Variants in RPL23 observed in about 807,000 individuals in gnomAD.
RPL23 encodes the protein large ribosomal subunit protein uL14.
For missense variants in RPL23, 79 were observed against 178.8 expected, an observed-to-expected ratio of 0.44 and a Z score of 3.18; for synonymous variants, 63 against 65.3, an observed-to-expected ratio of 0.97 and a Z score of 0.17.
At chr17:38,852,403 CA>C (rs1913028894) in intron 3 of RPL23, 200 bp downstream of exon 3, 6 of 606,542 alleles carry the variant, frequency 9.9e-6, no homozygotes, top group South Asian at 2.4e-5. Context: ...AAAACAACAA[CA>C]AAAAAACAAC....
chr17:38,850,303 C>G (rs781709157), intron 4 of RPL23, 59 bp downstream of exon 4: 1 of 1,565,234 alleles, frequency 6.4e-7, no homozygotes, highest in Non-Finnish European at 8.8e-7. Context: ...TTGGCCTGTA[C>G]TTCTAGACAA....
chr17:38,853,112 A>G lies in RPL23; in HGVS notation c.14-7T>C. On this transcript the variant is annotated splice_region_variant and splice_polypyrimidine_tract_variant and intron_variant, in intron 1 of 4. Coordinates refer to ENST00000479035, the MANE Select transcript of RPL23 (RefSeq NM_000978.4). ...CCAGAGGACCCACCACGTCCTGTGGATATAAAGGGAAGGGAAACAGGATAA... is the reference window on the plus strand; with the variant it reads ...CCAGAGGACCCACCACGTCCTGTGGGTATAAAGGGAAGGGAAACAGGATAA... 1 of 1,609,136 alleles carries G rather than the reference A, an allele frequency of 6.2e-7. No individual in the cohort carries two copies. Among genetic ancestry groups the G allele is most frequent in the Non-Finnish European group, 8.5e-7 (1 of 1,175,482 alleles).
chr17:38,850,042 C>G lies in RPL23; in HGVS notation c.*90G>C. ...CTGAGGCAGGAGAATCGCTTGAACCCTGGAAGTGAACAGGGAGACAAGCAC... is the reference window on the plus strand; with the variant it reads ...CTGAGGCAGGAGAATCGCTTGAACCGTGGAAGTGAACAGGGAGACAAGCAC... On this transcript the variant is annotated 3_prime_UTR_variant, in exon 5 of 5. Transcript: ENST00000479035. The G allele has an allele frequency of 1.0e-6, 1 of 968,550 alleles. No homozygotes were observed. The highest frequency in any genetic ancestry group is 1.5e-6 in the Non-Finnish European group (1 of 653,768). 60.0% of individuals were successfully genotyped at this position (968,550 alleles called of 1,614,324 possible).
intron 2 of RPL23, 33 bp from the exon 3 acceptor site, chr17:38,852,765 T>G (rs923747587): frequency 6.2e-7 from 1 of 1,613,868 alleles, no homozygotes; most frequent in Non-Finnish European, 8.5e-7. Context: ...ATAAAAAATG[T>G]TGAGGGCCAT....
chr17:38,852,534 C>T (rs1913032998), intron 3 of RPL23, 70 bp downstream of exon 3: 2 of 1,575,262 alleles, frequency 1.3e-6, no homozygotes, highest in Middle Eastern at 2.3e-4. Flanking sequence ...GAAAACTGAT[C>T]CATTTTCCAA....
At position 38,848,673 on chromosome 17, in the gene RPL23, T is replaced by C. The variant is rs529805643; in HGVS notation, c.*1459A>G. 1 of 152,380 alleles carries C rather than the reference T, an allele frequency of 6.6e-6. No homozygotes were observed. The highest frequency in any genetic ancestry group is 2.4e-5 in the African/African-American group (1 of 41,594). The allele number at this position is 152,380 out of a possible 1,614,324, so 9.4% of individuals were successfully genotyped here. A position where few individuals can be genotyped will look rare whatever the true frequency, so the allele number is the denominator to read the frequency against. On this transcript the variant is annotated 3_prime_UTR_variant, in exon 5 of 5. Coordinates refer to ENST00000479035, the MANE Select transcript of RPL23 (RefSeq NM_000978.4). ...ATTCTGCAGTCTGACTTAATTGGTC[T>C]AGGGTATGGACCGGAAACATTTTCA...
Position 38,853,707 on chromosome 17 carries a change from A to C in RPL23, c.4T>G (p.Ser2Ala). 6.2e-7 allele frequency: 1 copy of C among 1,614,106 alleles called. No individual in the cohort carries two copies. Among genetic ancestry groups the C allele is most frequent in the Non-Finnish European group, 8.5e-7 (1 of 1,180,026 alleles). The change falls in exon 1 of 5, where the codon TCG (serine) becomes GCG (alanine). Residue 2 changes from serine to alanine, a missense_variant. Transcript: ENST00000479035. MSKRGRGGSSGA... is the reference protein window; with the variant it reads MAKRGRGGSSGA... ...AGAAACAAAACCTCACCTCGCTTCG[A>C]CATCTTGAACGCCGGAAAAAAGAAA...
intron 1 of RPL23, 198 bp downstream of exon 1, chr17:38,853,500 G>C (rs1239056007): frequency 4.1e-6 from 3 of 730,238 alleles, no homozygotes; most frequent in Non-Finnish European, 7.6e-6. Context: ...CATTCACGTC[G>C]GGATCCTGCC....
chr17:38,852,890 C>T, intron 2 of RPL23, 132 bp downstream of exon 2: 1 of 1,363,846 alleles, frequency 7.3e-7, no homozygotes, highest in African/African-American at 1.4e-5. Context: ...TTGAAGCAAA[C>T]AACACATGTT....
At position 38,849,343 on chromosome 17, in the gene RPL23, G is replaced by C. The variant is rs576868669; in HGVS notation, c.*789C>G. The C allele has an allele frequency of 7.1e-6, 1 of 141,766 alleles. No individual in the cohort carries two copies. The highest frequency in any genetic ancestry group is 1.5e-5 in the Non-Finnish European group (1 of 66,524). 8.8% of individuals were successfully genotyped at this position (141,766 alleles called of 1,614,324 possible). A position where few individuals can be genotyped will look rare whatever the true frequency, so the allele number is the denominator to read the frequency against. On this transcript the variant is annotated 3_prime_UTR_variant, in exon 5 of 5. Transcript: ENST00000479035. Reference sequence around the variant, plus strand: ...CTATATAGTCTATCTTAACTTCAATGCCTTTTTTTGGGGCGGGGGCGGGAA... The same window carrying C: ...CTATATAGTCTATCTTAACTTCAATCCCTTTTTTTGGGGCGGGGGCGGGAA...
At chr17:38,852,383 AAAC>A in intron 3 of RPL23, 1 of 565,090 alleles carries the variant, frequency 1.8e-6, no homozygotes, top group South Asian at 2.5e-5. Flanking sequence ...AAACAAAACA[AAAC>A]AAAACAAAAA....
intron 3 of RPL23, 26 bp from the exon 4 acceptor site, chr17:38,850,501 T>C: frequency 4.6e-6 from 7 of 1,534,866 alleles, no homozygotes; most frequent in Non-Finnish European, 6.3e-6. Flanking sequence ...AGGACAGCAG[T>C]CATTAACCTG....
Position 38,853,702 on chromosome 17 carries a change from C to T in RPL23, c.9G>A (p.Lys3=), listed in dbSNP as rs769807789. The T allele has an allele frequency of 6.2e-7, 1 of 1,614,166 alleles. No individual in the cohort carries two copies. Among genetic ancestry groups the T allele is most frequent in the South Asian group, 1.1e-5 (1 of 91,074 alleles). Residue 3 remains lysine (K), a synonymous_variant, in exon 1 of 5, where the codon AAG becomes AAA. Transcript: ENST00000479035. ...CCTCCAGAAACAAAACCTCACCTCG[C>T]TTCGACATCTTGAACGCCGGAAAAA... MS[K]RGRGGSSGAK... is the part of the protein sequence containing the mutation.
At position 38,853,023 on chromosome 17, in the gene RPL23, T is replaced by A. The variant is rs752569951; in HGVS notation, c.96A>T (p.Thr32=). ...VGAVINCADN[T]GAKNLYIISV... ...TATAGCAACGTGCAAAGACCTCACC[T>A]GTGTTGTCAGCACAATTGATTACAG... Residue 32 remains threonine, a splice_region_variant and synonymous_variant, in exon 2 of 5, where the codon ACA becomes ACT. Coordinates refer to ENST00000479035, the MANE Select transcript of RPL23 (RefSeq NM_000978.4). 1 of 1,613,926 alleles carries A rather than the reference T, an allele frequency of 6.2e-7. No individual in the cohort carries two copies. Among genetic ancestry groups the A allele is most frequent in the Non-Finnish European group, 8.5e-7 (1 of 1,179,910 alleles).
At position 38,850,107 on chromosome 17, in the gene RPL23, T is replaced by C. The variant is rs775588122; in HGVS notation, c.*25A>G. On this transcript the variant is annotated 3_prime_UTR_variant, in exon 5 of 5. Coordinates refer to ENST00000479035, the MANE Select transcript of RPL23 (RefSeq NM_000978.4). Reference sequence around the variant, plus strand: ...TTTTAATGGGTTTAGTTTTTTTTTTTATTTTTTACAAATATACTGGAGAAT... The same window carrying C: ...TTTTAATGGGTTTAGTTTTTTTTTTCATTTTTTACAAATATACTGGAGAAT... 1 of 1,533,502 alleles carries C rather than the reference T, an allele frequency of 6.5e-7. No individual in the cohort carries two copies. 95.0% of individuals were successfully genotyped at this position (1,533,502 alleles called of 1,614,324 possible). A position where few individuals can be genotyped will look rare whatever the true frequency, so the allele number is the denominator to read the frequency against.
Position 38,848,089 on chromosome 17 carries a change from C to T in RPL23, c.*2043G>A. On this transcript the variant is annotated 3_prime_UTR_variant, in exon 5 of 5. Transcript: ENST00000479035. Reference sequence around the variant, plus strand: ...CAGAAAAGATAACATTCAAAAACAGCAGCGATTAGTGGTTAATATATAAGG... The same window carrying T: ...CAGAAAAGATAACATTCAAAAACAGTAGCGATTAGTGGTTAATATATAAGG... The T allele has an allele frequency of 6.6e-7, 1 of 1,526,176 alleles. No individual in the cohort carries two copies. Among genetic ancestry groups the T allele is most frequent in the Non-Finnish European group, 8.8e-7 (1 of 1,137,806 alleles). The allele number at this position is 1,526,176 out of a possible 1,614,324, so 94.5% of individuals were successfully genotyped here.
chr17:38,852,272 ATT>A, intron 3 of RPL23: 2 of 212,844 alleles, frequency 9.4e-6, no homozygotes, highest in Non-Finnish European at 1.9e-5. Context: ...TTTGTAATAT[ATT>A]TTTTTTTGAG....
At position 38,848,109 on chromosome 17, in the gene RPL23, A is replaced by G. The variant is rs961802700; in HGVS notation, c.*2023T>C. ...AACAGCAGCGATTAGTGGTTAATAT[A>G]TAAGGATCATATATTGCCATAATAT... On this transcript the variant is annotated 3_prime_UTR_variant, in exon 5 of 5. Transcript: ENST00000479035. 14 of 1,493,610 alleles carry G rather than the reference A, an allele frequency of 9.4e-6. No homozygotes were observed. The highest frequency in any genetic ancestry group is 2.3e-4 in the Middle Eastern group (1 of 4,344). The allele number at this position is 1,493,610 out of a possible 1,614,324, so 92.5% of individuals were successfully genotyped here.
intron 3 of RPL23, chr17:38,850,934 C>T (rs1193170890): frequency 6.5e-6 from 1 of 153,170 alleles, no homozygotes; most frequent in Non-Finnish European, 1.5e-5. Context: ...GGACCCCCAA[C>T]TCCTCCCAGT....
Sources: gnomAD v4.1 joint callset for allele counts on GRCh38, gnomAD v4.1.1 for gene constraint, MANE v1.5 for transcripts, NCBI Gene and HGNC (gene_info 2026-07-23, HGNC 2026-07-21) for gene names.